Variants in FRMD4A observed in about 807,000 individuals in gnomAD.
The protein encoded by FRMD4A is FERM domain-containing protein 4A.
Under a neutral mutation model 129.1 loss-of-function variants are expected in FRMD4A, and 29 were observed. The observed-to-expected ratio is 0.22, with a 90% CI of 0.17 to 0.31. The LOEUF is 0.31. Among genes scored for constraint, FRMD4A ranks in the 10% least tolerant of loss-of-function variants. The pLI, the probability that FRMD4A is intolerant of heterozygous loss-of-function variation, is 1.00. For synonymous variants in FRMD4A, 634 were observed against 571.6 expected, an observed-to-expected ratio of 1.11 and a Z score of -1.56; for missense variants, 1,272 against 1,375.8, an observed-to-expected ratio of 0.92 and a Z score of 1.19.
chr10:13,810,774 A>C, intron 4 of FRMD4A, 40 bp downstream of exon 4: 1 of 1,088,260 alleles, frequency 9.2e-7, no homozygotes. Flanking sequence ...TTCTGCACTG[A>C]CTCTCCCTTC....
intron 8 of FRMD4A, among the ~76,000 whole-genome samples, chr10:13,750,081 A>AAAGAAAGAAATG (rs1173950205): frequency 0.027 from 2,039 of 74,318 alleles, 12 homozygotes; most frequent in Non-Finnish European, 0.041. Context: ...AGAAAGAAAG[A>AAAGAAAGAAATG]AAGAAAGAAA....
At chr10:14,182,253 A>G (rs968031768) in intron 2 of FRMD4A, among the ~76,000 whole-genome samples, 1 of 152,164 alleles carries the variant, frequency 6.6e-6, no homozygotes, top group Non-Finnish European at 1.5e-5. Context: ...TTAAAAAGAG[A>G]GAGAGATAGG....
intron 2 of FRMD4A, among the ~76,000 whole-genome samples, chr10:14,253,907 C>T (rs1481997749): frequency 1.3e-5 from 2 of 151,866 alleles, no homozygotes; most frequent in Middle Eastern, 3.4e-3. Context: ...TGTGCAAATG[C>T]CAGCTTTCTC....
intron 2 of FRMD4A, among the ~76,000 whole-genome samples, chr10:13,999,846 G>A (rs76857630): frequency 6.6e-5 from 10 of 152,142 alleles, no homozygotes; most frequent in South Asian, 2.1e-4. Context: ...GTGATGACAC[G>A]GATGTTCGTC....
chr10:13,774,626 C>T lies in FRMD4A; in HGVS notation c.384+8296G>A, dbSNP rs573922241. Among the ~76,000 whole-genome samples, 10 of 152,212 alleles carry T rather than the reference C, an allele frequency of 6.6e-5. No homozygotes were observed. In the South Asian group the frequency reaches 1.7e-3, roughly 25 times the overall value. ...GTCCAGATACCAAGACACTGATATT[C>T]GGGGTTCCCCAGGGAAAGAACCAGC... On this transcript the variant is annotated intron_variant, in intron 6 of 24. Coordinates refer to ENST00000357447, the MANE Select transcript of FRMD4A (RefSeq NM_018027.5).
intron 3 of FRMD4A, among the ~76,000 whole-genome samples, chr10:13,845,131 T>A (rs531315874): frequency 6.6e-6 from 1 of 152,216 alleles, no homozygotes; most frequent in South Asian, 2.1e-4. Flanking sequence ...TGTTTTCTAT[T>A]TTATCCCCAA....
intron 2 of FRMD4A, among the ~76,000 whole-genome samples, chr10:14,098,222 A>G (rs977142000): frequency 6.7e-6 from 1 of 150,336 alleles, no homozygotes; most frequent in African/African-American, 2.4e-5. Context: ...GCAGCCTTCA[A>G]ACTGGTCACC....
intron 2 of FRMD4A, among the ~76,000 whole-genome samples, chr10:14,111,988 GGGAAGGAAGGGAGGGAA>G (rs1218751843): frequency 8.1e-6 from 1 of 123,654 alleles, no homozygotes; most frequent in Non-Finnish European, 1.7e-5. Flanking sequence ...GAGGAAGGCA[GGGAAGGAAGGGAGGGAA>G]GGAAGGGTGG....
chr10:14,224,756 C>G (rs994007289), intron 2 of FRMD4A, among the ~76,000 whole-genome samples: 1 of 152,108 alleles, frequency 6.6e-6, no homozygotes, highest in African/African-American at 2.4e-5. Context: ...TGATGACAGA[C>G]TATGTTAAGA....
intron 2 of FRMD4A, among the ~76,000 whole-genome samples, chr10:13,880,952 C>G (rs756304645): frequency 1.8e-4 from 28 of 152,168 alleles, no homozygotes; most frequent in Non-Finnish European, 3.4e-4. Flanking sequence ...AGGGGCAAGA[C>G]TTGGTTGGTT....
At chr10:14,325,955 T>C (rs1311863614) in intron 2 of FRMD4A, among the ~76,000 whole-genome samples, 1 of 152,222 alleles carries the variant, frequency 6.6e-6, no homozygotes, top group Non-Finnish European at 1.5e-5. Context: ...GATAATCCAA[T>C]TGACATTCTT....
At chr10:13,752,195 C>T (rs568121239) in intron 8 of FRMD4A, among the ~76,000 whole-genome samples, 23 of 152,284 alleles carry the variant, frequency 1.5e-4, no homozygotes, top group Non-Finnish European at 2.8e-4. Flanking sequence ...CTGTATTGGT[C>T]TTCGATTTAG....
At chr10:14,005,340 T>C (rs2095658605) in intron 2 of FRMD4A, among the ~76,000 whole-genome samples, 1 of 152,084 alleles carries the variant, frequency 6.6e-6, no homozygotes, top group African/African-American at 2.4e-5. Context: ...ATTTCCTTTA[T>C]GTTTTCCACC....
Position 14,200,085 on chromosome 10 carries a change from T to C in FRMD4A, c.45+129973A>G, listed in dbSNP as rs1842591719. The stretch of plus-strand genomic sequence containing the variant: ...TTGCCCAGGCTGGAGTGCAGTGCAG[T>C]GGTGCAATCACAGCTCACTACAGCC... On this transcript the variant is annotated intron_variant, in intron 2 of 24. Coordinates refer to ENST00000357447, the MANE Select transcript of FRMD4A (RefSeq NM_018027.5). Among the ~76,000 whole-genome samples, 21 of 148,738 alleles carry C rather than the reference T, an allele frequency of 1.4e-4. 1 individual carries two copies. Among genetic ancestry groups the C allele is most frequent in the Admixed American group, 1.4e-3 (21 of 15,018 alleles).
chr10:13,790,912 TGGA>T (rs1490381416), intron 5 of FRMD4A, among the ~76,000 whole-genome samples: 4 of 151,522 alleles, frequency 2.6e-5, no homozygotes, highest in African/African-American at 9.7e-5. Flanking sequence ...GAGGAATCCA[TGGA>T]GGAGAAGATA....
intron 2 of FRMD4A, among the ~76,000 whole-genome samples, chr10:14,280,436 C>T (rs935400086): frequency 6.6e-6 from 1 of 152,062 alleles, no homozygotes; most frequent in Non-Finnish European, 1.5e-5. Flanking sequence ...GCCTCTGGCT[C>T]ACACTGTAAA....
At position 14,312,336 on chromosome 10, in the gene FRMD4A, G is replaced by A. The variant is rs866538837; in HGVS notation, c.45+17722C>T. ...ATAGCTCACTTTTCCTGTAGTCTCC[G>A]TACTTCTGATCAGCCTATTAGAATC... On this transcript the variant is annotated intron_variant, in intron 2 of 24. Transcript: ENST00000357447. 5.3e-5 allele frequency among the ~76,000 whole-genome samples: 8 copies of A among 152,132 alleles called. No individual in the cohort carries two copies. In the South Asian group the frequency reaches 8.3e-4, roughly 16 times the overall value.
chr10:13,707,661 C>G (rs1023909086), intron 12 of FRMD4A: 10 of 986,354 alleles, frequency 1.0e-5, no homozygotes, highest in Non-Finnish European at 1.2e-5. Flanking sequence ...GTGTAAGAGC[C>G]TTGCAAAGGG....
At chr10:13,774,005 C>T (rs560672483) in intron 6 of FRMD4A, among the ~76,000 whole-genome samples, 22 of 152,298 alleles carry the variant, frequency 1.4e-4, no homozygotes, top group Non-Finnish European at 2.4e-4. Context: ...TCCCATGGGA[C>T]GGGACTCACA....
Sources: allele counts gnomAD v4.1 joint callset (sites outside exome capture counted in the v4.1 genomes callset), GRCh38; gene constraint gnomAD v4.1.1; transcripts MANE v1.5; gene names NCBI Gene and HGNC (gene_info 2026-07-23, HGNC 2026-07-21).